FAM20A: variants seen among roughly 807,000 people sequenced by gnomAD.
The protein encoded by FAM20A is FAM20A golgi associated secretory pathway pseudokinase.
A neutral mutation model predicts 52.0 loss-of-function variants in FAM20A; 42 were observed. The ratio of observed to expected loss-of-function variants is 0.81; its 90% CI spans 0.63 to 1.04. The LOEUF is 1.04. Among genes scored for constraint, FAM20A ranks in the 50% least tolerant of loss-of-function variants. The pLI, the probability that FAM20A is intolerant of heterozygous loss-of-function variation, is 0.00. For synonymous variants in FAM20A, 304 were observed against 298.9 expected (o/e 1.02, Z -0.18); for missense variants, 742 against 712.7 (o/e 1.04, Z -0.47).
intron 4 of FAM20A, among the ~76,000 whole-genome samples, chr17:68,544,512 CTGTG>C (rs1271148930): frequency 6.6e-6 from 1 of 152,150 alleles, no homozygotes; most frequent in African/African-American, 2.4e-5. Flanking sequence ...TTATAATCCA[CTGTG>C]TGGGACTGTT....
intron 7 of FAM20A, chr17:68,541,774 G>A (rs1225016465): frequency 3.6e-6 from 2 of 554,854 alleles, no homozygotes; most frequent in Admixed American, 3.2e-5. Flanking sequence ...AACACCTAGT[G>A]TTGGGTATAT....
chr17:68,600,557 G>A lies in FAM20A; in HGVS notation c.110C>T (p.Pro37Leu). 1 of 1,556,588 alleles carries A rather than the reference G, an allele frequency of 6.4e-7. No homozygotes were observed. Among genetic ancestry groups the A allele is most frequent in the Non-Finnish European group, 8.7e-7 (1 of 1,151,164 alleles). ...CGGGCACCCCCGCGGGCGCTCCCGA[G>A]GCCGCAGCTGGCGCTGTACTTGGGG... ...LWPQVQRQLR[P>L]RERPRGCPCT... The change falls in exon 1 of 11, where the codon CCT (proline) becomes CTT (leucine). Residue 37 changes from proline to leucine, a missense_variant. Coordinates refer to ENST00000592554, the MANE Select transcript of FAM20A (RefSeq NM_017565.4). The surrounding 1 kb of genome is among the most constrained non-coding windows in gnomAD (Gnocchi z 6.2).
intron 1 of FAM20A, among the ~76,000 whole-genome samples, chr17:68,569,701 C>T (rs2087483680): frequency 6.6e-6 from 1 of 152,186 alleles, no homozygotes; most frequent in South Asian, 2.1e-4. Context: ...GTGAAAAGTT[C>T]TATTGGACTC....
At chr17:68,561,566 G>T (rs1202810101) in intron 1 of FAM20A, among the ~76,000 whole-genome samples, 1 of 147,940 alleles carries the variant, frequency 6.8e-6, no homozygotes, top group Non-Finnish European at 1.5e-5. Context: ...TTTAACAGCT[G>T]GTGGGGCTAG....
chr17:68,562,737 C>T (rs2087251698), intron 1 of FAM20A, among the ~76,000 whole-genome samples: 1 of 152,058 alleles, frequency 6.6e-6, no homozygotes, highest in Non-Finnish European at 1.5e-5. Context: ...TCACAATGCC[C>T]CATCTCCTTG....
chr17:68,555,646 T>C lies in FAM20A; in HGVS notation c.502A>G (p.Ile168Val). ...EASWVQFHLG[I>V]NRHGLYSRSS... ...CGGGAGTAGAGCCCATGGCGGTTAA[T>C]ACCCAGGTGGAACTGGACCCAGCTG... is the stretch of plus-strand genomic sequence containing the variant. The change falls in exon 2 of 11, where the codon ATT becomes GTT. Residue 168 changes from isoleucine (I) to valine (V), a missense_variant. Transcript: ENST00000592554. 1.2e-6 allele frequency: 2 copies of C among 1,611,658 alleles called. No homozygotes were observed. Among genetic ancestry groups the C allele is most frequent in the Non-Finnish European group, 1.7e-6 (2 of 1,178,094 alleles).
chr17:68,600,151 T>C lies in FAM20A; in HGVS notation c.404+112A>G, dbSNP rs1295029782. The C allele has an allele frequency of 1.9e-5, 24 of 1,275,662 alleles. No individual in the cohort carries two copies. The highest frequency in any genetic ancestry group is 2.5e-5 in the Non-Finnish European group (24 of 941,304). 79.0% of individuals were successfully genotyped at this position (1,275,662 alleles called of 1,614,324 possible). ...AAGCCCAGCGCCAGGGCTGGAGCCG[T>C]GGGTGGAGCCGCTGCAGCCCTGGGC... On this transcript the variant is annotated intron_variant, in intron 1 of 10. Coordinates refer to ENST00000592554, the MANE Select transcript of FAM20A (RefSeq NM_017565.4). The surrounding 1 kb of genome is among the most constrained non-coding windows in gnomAD (Gnocchi z 6.2).
rs188476037 is a variant in FAM20A, at chr17:68,546,156, G to A, written c.720-2435C>T. ...TGCACTACAGCCTGAGCAACAGAGC[G>A]AGACTCCATCTCAAAAAAAAAAAAA... On this transcript the variant is annotated intron_variant, in intron 4 of 10. Transcript: ENST00000592554. Among the ~76,000 whole-genome samples, 32 of 109,186 alleles carry A rather than the reference G, an allele frequency of 2.9e-4. No homozygotes were observed. In the East Asian group the frequency reaches 5.4e-3, roughly 19 times the overall value. 71.6% of individuals were successfully genotyped at this position (109,186 alleles called of 152,430 possible).
In FAM20A at chr17:68,551,961, GC is replaced by G; in HGVS notation, c.641-11del. The G allele has an allele frequency of 6.4e-7, 1 of 1,561,618 alleles. No homozygotes were observed. On this transcript the variant is annotated splice_polypyrimidine_tract_variant and intron_variant, in intron 3 of 10. Transcript: ENST00000592554. ...CCACTGGGTTTCACAACTGTGAAAGGCAGAAGGGTGAGTTAACCATGCTTCC... is the reference window on the plus strand; with the variant it reads ...CCACTGGGTTTCACAACTGTGAAAGGAGAAGGGTGAGTTAACCATGCTTCC...
chr17:68,561,353 C>A (rs947283242), intron 1 of FAM20A, among the ~76,000 whole-genome samples: 1 of 152,312 alleles, frequency 6.6e-6, no homozygotes, highest in Admixed American at 6.5e-5. Context: ...TTCTTCCGCC[C>A]TCCAGGATGA....
Position 68,537,608 on chromosome 17 carries a change from C to T in FAM20A, c.1495G>A (p.Asp499Asn). 1 of 1,613,730 alleles carries T rather than the reference C, an allele frequency of 6.2e-7. No individual in the cohort carries two copies. The highest frequency in any genetic ancestry group is 8.5e-7 in the Non-Finnish European group (1 of 1,179,794). Reference sequence around the variant, plus strand: ...CTTAGGATGGTTTGGAGCCTTCGATCCAGGGCAAGGAGGTGGGGTTCAGTG... The same window carrying T: ...CTTAGGATGGTTTGGAGCCTTCGATTCAGGGCAAGGAGGTGGGGTTCAGTG... The part of the protein sequence containing the change: ...VLTEPHLLAL[D>N]RRLQTILRTV... Residue 499 changes from aspartate to asparagine, a missense_variant, in exon 11 of 11, where the codon GAT becomes AAT. Transcript: ENST00000592554. This position sits in a 1 kb window ranked among gnomAD's most constrained non-coding sequence, Gnocchi z 4.2.
intron 1 of FAM20A, among the ~76,000 whole-genome samples, chr17:68,575,476 T>A (rs1319730068): frequency 2.6e-4 from 27 of 102,930 alleles, no homozygotes; most frequent in South Asian, 1.5e-3. Context: ...ATAATATATT[T>A]TATATATTAT....
chr17:68,597,239 AC>A (rs2088478834), intron 1 of FAM20A, among the ~76,000 whole-genome samples: 3 of 149,976 alleles, frequency 2.0e-5, no homozygotes, highest in Non-Finnish European at 3.0e-5. Context: ...AAAAAAAATC[AC>A]TCAGACTAAT....
rs576230517 is a variant in FAM20A at position 68,552,666 on chromosome 17, CTTTTTTTTTTTTTTT to C, written c.641-730_641-716del. On this transcript the variant is annotated intron_variant, in intron 3 of 10. Transcript: ENST00000592554. Reference sequence around the variant, plus strand: ...TGGAGCCCTGTAAACCTTTATTTTCCTTTTTTTTTTTTTTTTTTTTTTTTTTGAGACGGAGTCTCG... The same window carrying C: ...TGGAGCCCTGTAAACCTTTATTTTCCTTTTTTTTTTTGAGACGGAGTCTCG... Among the ~76,000 whole-genome samples, 4 of 66,844 alleles carry C rather than the reference CTTTTTTTTTTTTTTT, an allele frequency of 6.0e-5. 2 individuals carry two copies. 43.9% of individuals were successfully genotyped at this position (66,844 alleles called of 152,430 possible). A position where few individuals can be genotyped will look rare whatever the true frequency, so the allele number is the denominator to read the frequency against.
chr17:68,577,279 A>G (rs1042381146), intron 1 of FAM20A, among the ~76,000 whole-genome samples: 2 of 152,236 alleles, frequency 1.3e-5, no homozygotes, highest in Non-Finnish European at 2.9e-5. Flanking sequence ...TGCATGGTAC[A>G]TGACACATTT....
Position 68,539,915 on chromosome 17 carries a change from C to A in FAM20A, c.1271G>T (p.Gly424Val). Residue 424 changes from glycine to valine, a missense_variant, in exon 9 of 11, where the codon GGG becomes GTG. Transcript: ENST00000592554. ...GGCGTTGTCAAGGTGAATAAGGAAC[C>A]CATCATCCCCGAACTTGGTGAACAT... Reference protein sequence around the residue: ...YEMFTKFGDDGFLIHLDNARG... With the variant: ...YEMFTKFGDDVFLIHLDNARG... The A allele has an allele frequency of 3.7e-6, 6 of 1,614,174 alleles. No homozygotes were observed. Among genetic ancestry groups the A allele is most frequent in the Non-Finnish European group, 5.1e-6 (6 of 1,180,036 alleles).
At chr17:68,549,868 A>G (rs1038485860) in intron 4 of FAM20A, among the ~76,000 whole-genome samples, 2 of 152,236 alleles carry the variant, frequency 1.3e-5, no homozygotes, top group African/African-American at 4.8e-5. Context: ...AAGGAACACA[A>G]TGTATTTATT....
chr17:68,553,791 CACAT>C (rs35403530), intron 3 of FAM20A, among the ~76,000 whole-genome samples: 24,889 of 149,270 alleles, frequency 0.17, 2,075 homozygotes, highest in South Asian at 0.18. Context: ...TACATGTATA[CACAT>C]ACATATATAC....
intron 10 of FAM20A, among the ~76,000 whole-genome samples, chr17:68,538,056 A>G (rs1337414487): frequency 1.3e-5 from 2 of 152,178 alleles, no homozygotes; most frequent in Non-Finnish European, 2.9e-5. Context: ...GATACTTAGG[A>G]TTTTTCAAGG....
Sources: allele counts gnomAD v4.1 joint callset (sites outside exome capture counted in the v4.1 genomes callset), GRCh38; gene constraint gnomAD v4.1.1; non-coding constraint Gnocchi (gnomAD v3.1); transcripts MANE v1.5; gene names NCBI Gene and HGNC (gene_info 2026-07-23, HGNC 2026-07-21).